FHIT: variants seen among roughly 807,000 people sequenced by gnomAD.
FHIT encodes bis(5'-adenosyl)-triphosphatase.
FHIT carries 19 observed loss-of-function variants against 17.9 expected under a neutral mutation model. The ratio of observed to expected loss-of-function variants is 1.06; its 90% CI spans 0.74 to 1.56. The LOEUF is 1.56. Ranked by LOEUF, FHIT falls within the 40% of genes most tolerant of loss-of-function variation. FHIT has a pLI of 0.00. For synonymous variants in FHIT, 81 were observed against 69.7 expected, an observed-to-expected ratio of 1.16 and a Z score of -0.81; for missense variants, 248 against 189.2, an observed-to-expected ratio of 1.31 and a Z score of -1.82.
At chr3:60,174,870 G>A (rs141226961) in intron 5 of FHIT, among the ~76,000 whole-genome samples, 130 of 152,008 alleles carry the variant, frequency 8.6e-4, no homozygotes, top group African/African-American at 3.0e-3. Context: ...CTGTCTCTAT[G>A]GATTTACTTA....
At chr3:59,973,048 C>T (rs1708257881) in intron 7 of FHIT, among the ~76,000 whole-genome samples, 1 of 151,984 alleles carries the variant, frequency 6.6e-6, no homozygotes, top group South Asian at 2.1e-4. Flanking sequence ...GGGTGTGTCT[C>T]CCTCCTCTAA....
intron 5 of FHIT, among the ~76,000 whole-genome samples, chr3:60,194,586 G>A (rs546353576): frequency 5.9e-5 from 9 of 152,170 alleles, no homozygotes; most frequent in Middle Eastern, 3.4e-3. Flanking sequence ...ATGAATAAAT[G>A]ATACCTAATT....
chr3:59,791,761 C>T (rs776347367), intron 8 of FHIT, among the ~76,000 whole-genome samples: 40 of 151,996 alleles, frequency 2.6e-4, no homozygotes, highest in Non-Finnish European at 5.3e-4. Flanking sequence ...TCCACAAGGC[C>T]AGGTATTTTG....
chr3:60,995,058 C>T (rs1191438372), intron 3 of FHIT, among the ~76,000 whole-genome samples: 2 of 152,170 alleles, frequency 1.3e-5, no homozygotes, highest in Non-Finnish European at 2.9e-5. Context: ...CGGTGGCTCA[C>T]GCCTGTAATC....
intron 4 of FHIT, among the ~76,000 whole-genome samples, chr3:60,554,256 A>G (rs1477745255): frequency 1.3e-5 from 2 of 150,674 alleles, no homozygotes; most frequent in Non-Finnish European, 3.0e-5. Context: ...AAAAAAAAAG[A>G]ACAAACAAAA....
chr3:60,034,529 A>G (rs1181404789), intron 5 of FHIT, among the ~76,000 whole-genome samples: 15 of 152,242 alleles, frequency 9.9e-5, no homozygotes, highest in Admixed American at 9.8e-4. Flanking sequence ...CCATTTGACC[A>G]AGAAATGTCC....
chr3:60,711,596 C>T (rs2041534310), intron 4 of FHIT, among the ~76,000 whole-genome samples: 1 of 152,114 alleles, frequency 6.6e-6, no homozygotes, highest in South Asian at 2.1e-4. Flanking sequence ...TGATGGAGTT[C>T]AAAGCCAAGG....
chr3:59,839,045 G>A (rs748912880), intron 8 of FHIT, among the ~76,000 whole-genome samples: 22 of 152,206 alleles, frequency 1.4e-4, no homozygotes, highest in South Asian at 6.2e-4. Context: ...AGCTGGGCGC[G>A]GTAGCTCATG....
intron 5 of FHIT, among the ~76,000 whole-genome samples, chr3:60,324,308 G>A (rs78153529): frequency 2.1e-3 from 292 of 141,252 alleles, no homozygotes; most frequent in African/African-American, 2.7e-3. Flanking sequence ...TACTAAGGCC[G>A]GGCGCGATGG....
At chr3:59,904,987 C>A (rs1429073117) in intron 8 of FHIT, among the ~76,000 whole-genome samples, 14 of 152,152 alleles carry the variant, frequency 9.2e-5, no homozygotes, top group Non-Finnish European at 1.9e-4. Context: ...GGGTGGGGAC[C>A]AATCAGAGGA....
intron 5 of FHIT, among the ~76,000 whole-genome samples, chr3:60,457,217 T>G (rs1413975764): frequency 6.6e-6 from 1 of 152,040 alleles, no homozygotes; most frequent in Non-Finnish European, 1.5e-5. Flanking sequence ...AGCATGGTAC[T>G]GGTACCAAAA....
At chr3:60,654,165 G>A (rs946491395) in intron 4 of FHIT, among the ~76,000 whole-genome samples, 10 of 152,014 alleles carry the variant, frequency 6.6e-5, no homozygotes, top group Admixed American at 1.3e-4. Flanking sequence ...CCTAGAAGCC[G>A]AGCCAGCACC....
At chr3:60,224,576 G>T (rs1379298947) in intron 5 of FHIT, among the ~76,000 whole-genome samples, 1 of 152,098 alleles carries the variant, frequency 6.6e-6, no homozygotes, top group African/African-American at 2.4e-5. Context: ...CACCGGAGCT[G>T]CCTGACGTAC....
At chr3:60,609,332 TA>T (rs1299956393) in intron 4 of FHIT, among the ~76,000 whole-genome samples, 3 of 127,990 alleles carry the variant, frequency 2.3e-5, no homozygotes, top group Non-Finnish European at 3.3e-5. Flanking sequence ...CTTTTTTATT[TA>T]TTTTTTTTTT....
At chr3:61,006,371 T>A (rs1304631863) in intron 3 of FHIT, among the ~76,000 whole-genome samples, 18 of 152,190 alleles carry the variant, frequency 1.2e-4, no homozygotes, top group Non-Finnish European at 2.9e-5. Flanking sequence ...TATTCTGTCA[T>A]AAAAACAGCA....
At chr3:61,146,233 C>A (rs1009235199) in intron 2 of FHIT, among the ~76,000 whole-genome samples, 1 of 152,004 alleles carries the variant, frequency 6.6e-6, no homozygotes, top group Non-Finnish European at 1.5e-5. Context: ...CATTACCTTG[C>A]TAAAATGAAA....
chr3:60,223,092 T>C (rs920710948), intron 5 of FHIT, among the ~76,000 whole-genome samples: 1 of 152,056 alleles, frequency 6.6e-6, no homozygotes, highest in Non-Finnish European at 1.5e-5. Flanking sequence ...CCTCCAACAT[T>C]TGGGAAAACT....
At chr3:60,719,363 G>A (rs538651718) in intron 4 of FHIT, among the ~76,000 whole-genome samples, 31 of 152,034 alleles carry the variant, frequency 2.0e-4, no homozygotes, top group South Asian at 8.3e-4. Context: ...CTTTCTTATC[G>A]GACCTCTGTC....
chr3:59,975,189 A>AT (rs1708355208), intron 7 of FHIT, among the ~76,000 whole-genome samples: 1 of 152,118 alleles, frequency 6.6e-6, no homozygotes, highest in African/African-American at 2.4e-5. Context: ...GATTCTTGGC[A>AT]TTTGCTAGGC....
Sources: gnomAD v4.1 joint callset for allele counts (sites outside exome capture counted in the v4.1 genomes callset) on GRCh38, gnomAD v4.1.1 for gene constraint, MANE v1.5 for transcripts, NCBI Gene and HGNC (gene_info 2026-07-23, HGNC 2026-07-21) for gene names.